Variants in TEAD2 observed in about 807,000 individuals in gnomAD.
The protein encoded by TEAD2 is transcriptional enhancer factor TEF-4.
A neutral mutation model predicts 61.4 loss-of-function variants in TEAD2; 51 were observed. The ratio of observed to expected loss-of-function variants is 0.83; its 90% CI spans 0.66 to 1.05. The LOEUF (loss-of-function observed/expected upper bound fraction) is 1.05, where lower values mean the gene tolerates loss of function less well. TEAD2 is among the 50% of genes least tolerant of loss of function. The pLI is 0.00. For missense variants in TEAD2, 509 were observed against 600.0 expected (o/e 0.85, Z 1.58); for synonymous variants, 244 against 243.2 (o/e 1.00, Z -0.03).
At position 49,342,324 on chromosome 19, in the gene TEAD2, G is replaced by A. The variant is rs1450010952; in HGVS notation, c.1242+114C>T. Reference sequence around the variant, plus strand: ...GAGCCTCAGGCTGAGGGCTCACTTTGGAGTCCCTGCTGTGTCAGTTCCTGG... The same window carrying A: ...GAGCCTCAGGCTGAGGGCTCACTTTAGAGTCCCTGCTGTGTCAGTTCCTGG... On this transcript the variant is annotated intron_variant, in intron 12 of 12. Coordinates refer to ENST00000593945, the MANE Select transcript of TEAD2 (RefSeq NM_001256660.2). The A allele has an allele frequency of 2.2e-6, 3 of 1,375,686 alleles. No individual in the cohort carries two copies. In the African/African-American group the frequency reaches 4.3e-5, roughly 20 times the overall value. The allele number at this position is 1,375,686 out of a possible 1,614,324, so 85.2% of individuals were successfully genotyped here.
intron 7 of TEAD2, among the ~76,000 whole-genome samples, chr19:49,353,547 G>T (rs192732357): frequency 1.3e-5 from 2 of 152,240 alleles, no homozygotes; most frequent in South Asian, 2.1e-4. Flanking sequence ...GTTTATGCAG[G>T]TGATGATTTG....
chr19:49,341,443 A>G lies in TEAD2; in HGVS notation c.1243-6T>C. ...GTGTCTCTGTTTGTCACCACCTGCC[A>G]GGAAGGCCAGGACAAGGGACTTATG... On this transcript the variant is annotated splice_polypyrimidine_tract_variant and splice_region_variant and intron_variant, in intron 12 of 12. Coordinates refer to ENST00000593945, the MANE Select transcript of TEAD2 (RefSeq NM_001256660.2). The surrounding 1 kb of genome is among the most constrained non-coding windows in gnomAD (Gnocchi z 4.2). The G allele has an allele frequency of 6.2e-7, 1 of 1,612,658 alleles. No individual in the cohort carries two copies. The highest frequency in any genetic ancestry group is 8.5e-7 in the Non-Finnish European group (1 of 1,178,840).
rs1908798437 is a variant in TEAD2, at chr19:49,355,336, G to A, written c.456C>T (p.Ala152=). The change falls in exon 6 of 13, where the codon GCC becomes GCT. Residue 152 remains alanine (A), a synonymous_variant. Coordinates refer to ENST00000593945, the MANE Select transcript of TEAD2 (RefSeq NM_001256660.2). ...CCTGAGGACCAGTGGGACCCAGTTT[G>A]GCCTGCAGAGAAGGCGCGGAGATGA... ...AQLISAPSLQ[A]KLGPTGPQAS... The A allele has an allele frequency of 6.2e-7, 1 of 1,614,074 alleles. No homozygotes were observed. Among genetic ancestry groups the A allele is most frequent in the Non-Finnish European group, 8.5e-7 (1 of 1,180,044 alleles).
Position 49,355,940 on chromosome 19 carries a change from G to C in TEAD2, c.372+19C>G, listed in dbSNP as rs1362439865. ...AGTTTGGAGTGAGCGTGGGTGGGAG[G>C]ATGGGCAGAGGAACTTACCACGTTC... On this transcript the variant is annotated intron_variant, in intron 5 of 12. Coordinates refer to ENST00000593945, the MANE Select transcript of TEAD2 (RefSeq NM_001256660.2). 5 of 1,263,022 alleles carry C rather than the reference G, an allele frequency of 4.0e-6. No homozygotes were observed. The highest frequency in any genetic ancestry group is 5.0e-6 in the Non-Finnish European group (5 of 1,004,258). 78.2% of individuals were successfully genotyped at this position (1,263,022 alleles called of 1,614,324 possible).
At chr19:49,358,695 C>A (rs1040254085) in intron 3 of TEAD2, among the ~76,000 whole-genome samples, 2 of 150,566 alleles carry the variant, frequency 1.3e-5, no homozygotes, top group African/African-American at 4.9e-5. Flanking sequence ...TGCAGTAGCA[C>A]GATCTTGGCT....
chr19:49,343,380 G>T lies in TEAD2; in HGVS notation c.940C>A (p.Pro314Thr). Reference protein sequence around the residue: ...VKFWADLNWGPSGEEAGAGGS... With the variant: ...VKFWADLNWGTSGEEAGAGGS... ...CCGGCCCCTGCCTCCTCACCACTTGGGCCCCAGTTCAGGTCCGCCTGGGAG... is the reference window on the plus strand; with the variant it reads ...CCGGCCCCTGCCTCCTCACCACTTGTGCCCCAGTTCAGGTCCGCCTGGGAG... Residue 314 changes from proline (P) to threonine (T), a missense_variant, in exon 11 of 13, where the codon CCA (proline) becomes ACA (threonine). Coordinates refer to ENST00000593945, the MANE Select transcript of TEAD2 (RefSeq NM_001256660.2). The T allele has an allele frequency of 6.2e-7, 1 of 1,610,530 alleles. No homozygotes were observed. Among genetic ancestry groups the T allele is most frequent in the Non-Finnish European group, 8.5e-7 (1 of 1,178,866 alleles).
intron 10 of TEAD2, among the ~76,000 whole-genome samples, chr19:49,346,550 G>A (rs556622639): frequency 6.6e-6 from 1 of 152,186 alleles, no homozygotes; most frequent in African/African-American, 2.4e-5. Context: ...CAATCTACTG[G>A]GGAGGCTGAG....
chr19:49,360,158 C>A, intron 1 of TEAD2, 77 bp from the exon 2 acceptor site: 2 of 1,187,410 alleles, frequency 1.7e-6, no homozygotes, highest in Admixed American at 2.2e-5. Flanking sequence ...GGCTGGGACT[C>A]TGGACCACTG....
chr19:49,349,479 G>T (rs1971870470), intron 8 of TEAD2, among the ~76,000 whole-genome samples: 1 of 149,962 alleles, frequency 6.7e-6, no homozygotes, highest in African/African-American at 2.4e-5. Context: ...AAAAAAAAAA[G>T]TGTGATCCCC....
intron 7 of TEAD2, among the ~76,000 whole-genome samples, chr19:49,352,780 T>C (rs1972107487): frequency 6.6e-6 from 1 of 152,100 alleles, no homozygotes; most frequent in African/African-American, 2.4e-5. Context: ...CCTCAAATGA[T>C]CCACCCACCT....
At chr19:49,358,763 G>A (rs1310008560) in intron 3 of TEAD2, among the ~76,000 whole-genome samples, 2 of 151,306 alleles carry the variant, frequency 1.3e-5, no homozygotes, top group African/African-American at 4.9e-5. Context: ...CTCCCGAGTA[G>A]CTGGGATTAT....
rs1306192848 is a variant in TEAD2 at position 49,341,707 on chromosome 19, A to C, written c.1243-270T>G. 6.6e-6 allele frequency among the ~76,000 whole-genome samples: 1 copy of C among 152,030 alleles called. No individual in the cohort carries two copies. Among genetic ancestry groups the C allele is most frequent in the Non-Finnish European group, 1.5e-5 (1 of 67,996 alleles). On this transcript the variant is annotated intron_variant, in intron 12 of 12. Transcript: ENST00000593945. This position sits in a 1 kb window ranked among gnomAD's most constrained non-coding sequence, Gnocchi z 4.2. The stretch of plus-strand genomic sequence containing the variant: ...CCCATCACATCACATTCCCTGGGTA[A>C]AAGGGGTCCCCATCATGTCACAAGT...
Position 49,359,962 on chromosome 19 carries a change from G to A in TEAD2, c.114C>T (p.Gly38=). Reference sequence around the variant, plus strand: ...GGCTCCACACCCCCTCTGCATCCGGGCCCCCGTCACCCCCAGCCCCCTCAC... The same window carrying A: ...GGCTCCACACCCCCTCTGCATCCGGACCCCCGTCACCCCCAGCCCCCTCAC... ...GGSEGAGGDG[G]PDAEGVWSPD... Residue 38 remains glycine (G), a synonymous_variant, in exon 2 of 13, where the codon GGC becomes GGT. Transcript: ENST00000593945. This position sits in a 1 kb window ranked among gnomAD's most constrained non-coding sequence, Gnocchi z 4.1. 1 of 1,610,738 alleles carries A rather than the reference G, an allele frequency of 6.2e-7. No homozygotes were observed.
intron 11 of TEAD2, 144 bp downstream of exon 11, chr19:49,343,087 T>C (rs1971404226): frequency 2.1e-6 from 2 of 954,402 alleles, no homozygotes; most frequent in East Asian, 2.7e-5. Context: ...AACTGCCCAT[T>C]AGCTCCCAAC....
At position 49,341,251 on chromosome 19, in the gene TEAD2, G is replaced by T; in HGVS notation, c.*73C>A. 8.0e-7 allele frequency: 1 copy of T among 1,255,466 alleles called. No individual in the cohort carries two copies. The highest frequency in any genetic ancestry group is 1.2e-6 in the Non-Finnish European group (1 of 859,228). The allele number at this position is 1,255,466 out of a possible 1,614,324, so 77.8% of individuals were successfully genotyped here. On this transcript the variant is annotated 3_prime_UTR_variant, in exon 13 of 13. Transcript: ENST00000593945. This position sits in a 1 kb window ranked among gnomAD's most constrained non-coding sequence, Gnocchi z 4.2. ...TCACAGCCCTCTCCCCAAATAAGAA[G>T]CATGAGGTGAGCTGGAGGACCCTCC...
rs963052454 is a variant in TEAD2, at chr19:49,343,219, C to A, written c.1089+12G>T. 6.2e-7 allele frequency: 1 copy of A among 1,602,244 alleles called. No homozygotes were observed. The highest frequency in any genetic ancestry group is 1.3e-5 in the African/African-American group (1 of 74,792). On this transcript the variant is annotated intron_variant, in intron 11 of 12. Coordinates refer to ENST00000593945, the MANE Select transcript of TEAD2 (RefSeq NM_001256660.2). The stretch of plus-strand genomic sequence containing the variant: ...CAAGTGCTGACCCAGAGCTCCACCC[C>A]TCCAGCCTCACCTCCACCTTCTCCA...
chr19:49,360,825 A>G, intron 1 of TEAD2, among the ~76,000 whole-genome samples: 1 of 103,134 alleles, frequency 9.7e-6, no homozygotes, highest in Non-Finnish European at 1.8e-5. Context: ...ACCCAGAGAG[A>G]GAAGGGGACA....
chr19:49,358,103 G>A (rs1172572558), intron 3 of TEAD2, among the ~76,000 whole-genome samples: 1 of 152,196 alleles, frequency 6.6e-6, no homozygotes, highest in East Asian at 1.9e-4. Context: ...GTGTGGTGGT[G>A]CGCGCCTGTA....
intron 10 of TEAD2, among the ~76,000 whole-genome samples, chr19:49,343,856 G>GC (rs1971464596): frequency 1.0e-5 from 1 of 95,334 alleles, no homozygotes; most frequent in African/African-American, 5.0e-5. Context: ...CTTTTTTTTT[G>GC]GGGGGGGGGG....
Sources: gnomAD v4.1 joint callset for allele counts (sites outside exome capture counted in the v4.1 genomes callset) on GRCh38, gnomAD v4.1.1 for gene constraint, Gnocchi (gnomAD v3.1) non-coding constraint, MANE v1.5 for transcripts, NCBI Gene and HGNC (gene_info 2026-07-23, HGNC 2026-07-21) for gene names.